Variants in TRIM71 observed in about 807,000 individuals in gnomAD.
The protein encoded by TRIM71 is E3 ubiquitin-protein ligase TRIM71.
In TRIM71, 9 loss-of-function variants were observed where a neutral mutation model predicts 61.2. The observed-to-expected ratio is 0.15, with a 90% CI of 0.09 to 0.26. The LOEUF is 0.26. Among genes scored for constraint, TRIM71 ranks in the 10% least tolerant of loss-of-function variants. The probability of loss-of-function intolerance (pLI) is 1.00; values close to 1 mark genes in which losing one functional copy is unlikely to be tolerated. For missense variants in TRIM71, 998 were observed against 1,238.7 expected (o/e 0.81, Z 2.92); for synonymous variants, 645 against 553.2 (o/e 1.17, Z -2.33).
Position 32,890,466 on chromosome 3 carries a change from T to C in TRIM71, c.1262T>C (p.Val421Ala). ...LESTISAVQQVLEEGRALDIL... is the reference protein window; with the variant it reads ...LESTISAVQQALEEGRALDIL... The stretch of plus-strand genomic sequence containing the variant: ...AGCACCATCAGTGCCGTGCAGCAGG[T>C]CCTGGAGGAGGGTAGAGCGCTAGAC... Residue 421 changes from valine to alanine, a missense_variant, in exon 4 of 4, where the codon GTC becomes GCC. Coordinates refer to ENST00000383763, the MANE Select transcript of TRIM71 (RefSeq NM_001039111.3). The surrounding 1 kb of genome is among the most constrained non-coding windows in gnomAD (Gnocchi z 6.2). 6.2e-7 allele frequency: 1 copy of C among 1,614,148 alleles called. No individual in the cohort carries two copies. Among genetic ancestry groups the C allele is most frequent in the Non-Finnish European group, 8.5e-7 (1 of 1,180,036 alleles).
At chr3:32,871,148 C>T (rs766021791) in intron 1 of TRIM71, among the ~76,000 whole-genome samples, 11 of 152,136 alleles carry the variant, frequency 7.2e-5, no homozygotes, top group Non-Finnish European at 1.0e-4. Flanking sequence ...GGGGGTCTTC[C>T]GGAGGTACCC....
intron 2 of TRIM71, among the ~76,000 whole-genome samples, chr3:32,882,381 A>T (rs900868157): frequency 6.6e-6 from 1 of 152,276 alleles, no homozygotes; most frequent in South Asian, 2.1e-4. Context: ...TAACCAACAC[A>T]TCTAAAAATA....
At chr3:32,831,163 A>G (rs117244453) in intron 1 of TRIM71, among the ~76,000 whole-genome samples, 1,686 of 151,818 alleles carry the variant, frequency 0.011, 36 homozygotes, top group East Asian at 0.11. Flanking sequence ...ACCGTGGGGG[A>G]TTTTGGAGAT....
At chr3:32,861,571 T>A (rs747760008) in intron 1 of TRIM71, among the ~76,000 whole-genome samples, 3 of 152,086 alleles carry the variant, frequency 2.0e-5, no homozygotes, top group African/African-American at 4.8e-5. Flanking sequence ...TACAAAAAAA[T>A]AAAAATCATT....
rs1697073354 is a variant in TRIM71, at chr3:32,895,967, G to A, written c.*4156G>A. The A allele has an allele frequency of 6.6e-6, 1 of 152,254 alleles. No individual in the cohort carries two copies. The highest frequency in any genetic ancestry group is 2.4e-5 in the African/African-American group (1 of 41,438). 9.4% of individuals were successfully genotyped at this position (152,254 alleles called of 1,614,324 possible). On this transcript the variant is annotated 3_prime_UTR_variant, in exon 4 of 4. Transcript: ENST00000383763. ...TAAATCTACAACTGATTTCTCCCAG[G>A]AGAAATGTTCTACTTACCTTGAAAG...
chr3:32,846,733 A>G (rs1360608180), intron 1 of TRIM71, among the ~76,000 whole-genome samples: 1 of 136,838 alleles, frequency 7.3e-6, no homozygotes, highest in Non-Finnish European at 1.5e-5. Flanking sequence ...TCTTCTCTCT[A>G]CTTCTATGAG....
chr3:32,865,689 T>G (rs937753648), intron 1 of TRIM71, among the ~76,000 whole-genome samples: 1 of 152,050 alleles, frequency 6.6e-6, no homozygotes. Flanking sequence ...TGTTTCTCTT[T>G]TTATCAAGTC....
At chr3:32,864,536 C>T (rs1319634179) in intron 1 of TRIM71, among the ~76,000 whole-genome samples, 7 of 152,282 alleles carry the variant, frequency 4.6e-5, no homozygotes, top group South Asian at 4.1e-4. Flanking sequence ...GGAGCTGGTG[C>T]CCGCTGGGTT....
chr3:32,840,393 A>G (rs1244730154), intron 1 of TRIM71, among the ~76,000 whole-genome samples: 2 of 152,208 alleles, frequency 1.3e-5, no homozygotes, highest in Non-Finnish European at 2.9e-5. Flanking sequence ...AAGCCAGTAC[A>G]TAACATGAAT....
intron 1 of TRIM71, among the ~76,000 whole-genome samples, chr3:32,854,561 T>TTAGTTTGAA (rs757290399): frequency 4.6e-5 from 7 of 152,192 alleles, no homozygotes; most frequent in Non-Finnish European, 1.0e-4. Flanking sequence ...GGAAGGAACC[T>TTAGTTTGAA]TAGTTTGAAT....
At chr3:32,824,439 T>C (rs1024478343) in intron 1 of TRIM71, among the ~76,000 whole-genome samples, 4 of 151,700 alleles carry the variant, frequency 2.6e-5, no homozygotes, top group African/African-American at 7.3e-5. Context: ...GTGATCCACC[T>C]GCCTCGGCTT....
At chr3:32,868,830 G>C (rs1438007755) in intron 1 of TRIM71, among the ~76,000 whole-genome samples, 2 of 152,068 alleles carry the variant, frequency 1.3e-5, no homozygotes, top group African/African-American at 4.8e-5. Flanking sequence ...CTGCAGCGGG[G>C]CTCTGTTGTC....
At position 32,894,827 on chromosome 3, in the gene TRIM71, G is replaced by T. The variant is rs894343317; in HGVS notation, c.*3016G>T. Reference sequence around the variant, plus strand: ...ATGCATAATCTCCTGCCCGGGTAATGCCAGGTAGCCAGGAGTTGGGTCAAA... The same window carrying T: ...ATGCATAATCTCCTGCCCGGGTAATTCCAGGTAGCCAGGAGTTGGGTCAAA... On this transcript the variant is annotated 3_prime_UTR_variant, in exon 4 of 4. Coordinates refer to ENST00000383763, the MANE Select transcript of TRIM71 (RefSeq NM_001039111.3). 1 of 152,190 alleles carries T rather than the reference G, an allele frequency of 6.6e-6. No individual in the cohort carries two copies. Among genetic ancestry groups the T allele is most frequent in the African/African-American group, 2.4e-5 (1 of 41,466 alleles). 9.4% of individuals were successfully genotyped at this position (152,190 alleles called of 1,614,324 possible).
In TRIM71 at chr3:32,869,294, C is replaced by G. The variant is rs150064920; in HGVS notation, c.853-4524C>G. On this transcript the variant is annotated intron_variant, in intron 1 of 3. Coordinates refer to ENST00000383763, the MANE Select transcript of TRIM71 (RefSeq NM_001039111.3). Reference sequence around the variant, plus strand: ...GGGAGCCCAAGTAAATGTCCTCAGTCATTTTAAGGGATACCAAACTAATCT... The same window carrying G: ...GGGAGCCCAAGTAAATGTCCTCAGTGATTTTAAGGGATACCAAACTAATCT... Among the ~76,000 whole-genome samples, 120 of 152,308 alleles carry G rather than the reference C, an allele frequency of 7.9e-4. No individual in the cohort carries two copies. The East Asian group carries it at 0.015, about 20-fold the overall frequency.
rs1696084744 is a variant in TRIM71 at position 32,818,474 on chromosome 3, C to A, written c.394C>A (p.Pro132Thr). The change falls in exon 1 of 4, where the codon CCC (proline) becomes ACC (threonine). Residue 132 changes from proline to threonine, a missense_variant. By Grantham distance (38) the Pro-to-Thr change is conservative. Transcript: ENST00000383763. ...GGTGGCCACTGCCGACGAGCCGCCG[C>A]CCAAGAACGGGCGCGCCGGCGCTCC... is the stretch of plus-strand genomic sequence containing the variant. ...AVVATADEPP[P>T]KNGRAGAPAG... 1 of 1,449,180 alleles carries A rather than the reference C, an allele frequency of 6.9e-7. No homozygotes were observed. The highest frequency in any genetic ancestry group is 9.0e-7 in the Non-Finnish European group (1 of 1,105,488). 89.8% of individuals were successfully genotyped at this position (1,449,180 alleles called of 1,614,324 possible). A position where few individuals can be genotyped will look rare whatever the true frequency, so the allele number is the denominator to read the frequency against.
At chr3:32,889,366 C>T (rs1696996990) in intron 3 of TRIM71, among the ~76,000 whole-genome samples, 1 of 152,118 alleles carries the variant, frequency 6.6e-6, no homozygotes, top group African/African-American at 2.4e-5. Context: ...CAGACTCAGC[C>T]TCCTAGGCTC....
chr3:32,853,537 A>C (rs544715268), intron 1 of TRIM71, among the ~76,000 whole-genome samples: 3 of 152,348 alleles, frequency 2.0e-5, no homozygotes, highest in African/African-American at 7.2e-5. Context: ...TAAATCACCT[A>C]TTTTTAAGGA....
intron 1 of TRIM71, among the ~76,000 whole-genome samples, chr3:32,828,076 T>C (rs1271512971): frequency 6.6e-6 from 1 of 152,172 alleles, no homozygotes; most frequent in African/African-American, 2.4e-5. Context: ...GAATTGTGAA[T>C]GAGTGGCATC....
intron 1 of TRIM71, among the ~76,000 whole-genome samples, chr3:32,830,000 G>C (rs984580019): frequency 2.0e-5 from 3 of 146,768 alleles, no homozygotes; most frequent in African/African-American, 7.7e-5. Flanking sequence ...CATTATCTTG[G>C]CTCACTGCAA....
Sources: gnomAD v4.1 joint callset for allele counts (sites outside exome capture counted in the v4.1 genomes callset) on GRCh38, gnomAD v4.1.1 for gene constraint, Gnocchi (gnomAD v3.1) non-coding constraint, MANE v1.5 for transcripts, NCBI Gene and HGNC (gene_info 2026-07-23, HGNC 2026-07-21) for gene names.